Variants in TOX2 observed in about 807,000 individuals in gnomAD.
The protein encoded by TOX2 is granulosa cell HMG box 1.
In TOX2, 15 loss-of-function variants were observed where a neutral mutation model predicts 47.4. The observed-to-expected ratio is 0.32, with a 90% CI of 0.21 to 0.49. The LOEUF (loss-of-function observed/expected upper bound fraction) is 0.49. TOX2 is among the 20% of genes least tolerant of loss of function. The pLI is 0.99. For synonymous variants in TOX2, 290 were observed against 296.6 expected (o/e 0.98, Z 0.23); for missense variants, 622 against 673.1 (o/e 0.92, Z 0.84).
chr20:43,991,805 G>A (rs374717050), intron 2 of TOX2, among the ~76,000 whole-genome samples: 17 of 152,050 alleles, frequency 1.1e-4, no homozygotes, highest in African/African-American at 3.6e-4. Flanking sequence ...CACTATGCCC[G>A]GATCATTTTT....
chr20:43,996,295 C>T (rs551459557), intron 2 of TOX2, among the ~76,000 whole-genome samples: 4 of 152,282 alleles, frequency 2.6e-5, no homozygotes, highest in South Asian at 2.1e-4. Flanking sequence ...CTTGCTGGTG[C>T]GGGTTTTACT....
intron 1 of TOX2, among the ~76,000 whole-genome samples, chr20:43,962,682 C>T (rs2069783463): frequency 6.6e-6 from 1 of 152,218 alleles, no homozygotes; most frequent in Admixed American, 6.5e-5. Context: ...AACCCCATTT[C>T]TCCCATATCT....
chr20:44,054,762 A>G (rs1569141438), intron 5 of TOX2, among the ~76,000 whole-genome samples: 1 of 151,986 alleles, frequency 6.6e-6, no homozygotes, highest in Non-Finnish European at 1.5e-5. Context: ...CCGCAACTTA[A>G]CCATTCTGAA....
intron 2 of TOX2, among the ~76,000 whole-genome samples, chr20:43,987,683 G>A (rs960578000): frequency 1.3e-5 from 2 of 152,158 alleles, no homozygotes; most frequent in African/African-American, 4.8e-5. Flanking sequence ...CTGAGAGCAT[G>A]GATGGGCGAG....
rs2071514484 is a variant in TOX2 at position 44,051,654 on chromosome 20, A to G, written c.651+109A>G. 4 of 1,459,250 alleles carry G rather than the reference A, an allele frequency of 2.7e-6. No homozygotes were observed. The Admixed American group carries it at 7.5e-5, about 27-fold the overall frequency. 90.4% of individuals were successfully genotyped at this position (1,459,250 alleles called of 1,614,324 possible). A position where few individuals can be genotyped will look rare whatever the true frequency, so the allele number is the denominator to read the frequency against. On this transcript the variant is annotated intron_variant, in intron 4 of 8. Transcript: ENST00000341197. ...CTCTAGTAAAGACTAGAAAAGCCTG[A>G]TGTCCCAAGGTCCCCGTAGGTGCCA...
At chr20:43,978,411 T>C (rs2145494367) in intron 2 of TOX2, among the ~76,000 whole-genome samples, 1 of 152,278 alleles carries the variant, frequency 6.6e-6, no homozygotes, top group South Asian at 2.1e-4. Context: ...CATCCCCATC[T>C]CAGGCTGTAC....
chr20:43,973,490 G>A lies in TOX2; in HGVS notation c.165+58G>A. The A allele has an allele frequency of 1.9e-6, 3 of 1,549,254 alleles. No homozygotes were observed. In the South Asian group the frequency reaches 3.4e-5, roughly 17 times the overall value. On this transcript the variant is annotated intron_variant, in intron 2 of 8. Transcript: ENST00000341197. ...TAAGATTTGGGCTGGCTGGATCTGA[G>A]CTGTTCCTGGGTGGAGGTAGGGGGT...
intron 1 of TOX2, among the ~76,000 whole-genome samples, chr20:43,924,893 T>G (rs2069148219): frequency 1.3e-5 from 2 of 152,200 alleles, no homozygotes; most frequent in South Asian, 4.1e-4. Context: ...CAGCCCTGTG[T>G]CCCGGGGTGT....
chr20:43,979,909 C>T (rs1387418991), intron 2 of TOX2, among the ~76,000 whole-genome samples: 1 of 152,134 alleles, frequency 6.6e-6, no homozygotes. Flanking sequence ...GAAAAGGGAA[C>T]CCTCGTACAC....
intron 1 of TOX2, among the ~76,000 whole-genome samples, chr20:43,954,813 C>A (rs2069639193): frequency 6.6e-6 from 1 of 152,210 alleles, no homozygotes; most frequent in Non-Finnish European, 1.5e-5. Context: ...AGACGTCAGA[C>A]CTGGGTTTGG....
At chr20:44,063,569 A>G (rs1469001886) in intron 5 of TOX2, among the ~76,000 whole-genome samples, 1 of 152,220 alleles carries the variant, frequency 6.6e-6, no homozygotes, top group Non-Finnish European at 1.5e-5. Flanking sequence ...AACTAAAAGT[A>G]GATCTACTGT....
rs529758685 is a variant in TOX2 at position 43,982,390 on chromosome 20, C to CT, written c.165+8966dup. Among the ~76,000 whole-genome samples, 926 of 152,090 alleles carry CT rather than the reference C, an allele frequency of 6.1e-3. 7 individuals carry two copies. The highest frequency in any genetic ancestry group is 8.3e-3 in the Non-Finnish European group (562 of 67,972). ...CAGTTGCACCAGAAGGACACAACAG[C>CT]TTTTTTTTACTCAAAAGAGACTAAT... On this transcript the variant is annotated intron_variant, in intron 2 of 8. Coordinates refer to ENST00000341197, the MANE Select transcript of TOX2 (RefSeq NM_001098797.2).
intron 3 of TOX2, among the ~76,000 whole-genome samples, chr20:44,014,638 A>G (rs2070843762): frequency 6.6e-6 from 1 of 152,100 alleles, no homozygotes; most frequent in Non-Finnish European, 1.5e-5. Flanking sequence ...CTGTAAATGG[A>G]GATATTGTTA....
intron 3 of TOX2, among the ~76,000 whole-genome samples, chr20:44,023,083 G>GA (rs1291120816): frequency 2.6e-5 from 4 of 151,874 alleles, no homozygotes; most frequent in Middle Eastern, 6.8e-3. Context: ...AAAAGGATGG[G>GA]AAGGAGGGAG....
chr20:43,995,421 TG>T (rs1313108889), intron 2 of TOX2, among the ~76,000 whole-genome samples: 1 of 152,224 alleles, frequency 6.6e-6, no homozygotes, highest in Non-Finnish European at 1.5e-5. Context: ...CTCCAGTTGT[TG>T]GGGTTTGGAG....
chr20:43,952,158 C>G (rs959765582), intron 1 of TOX2, among the ~76,000 whole-genome samples: 1 of 152,066 alleles, frequency 6.6e-6, no homozygotes, highest in Admixed American at 6.6e-5. Flanking sequence ...GCCTTGGCCT[C>G]CCAAAGTGCT....
In TOX2 at chr20:44,006,583, G is replaced by A; in HGVS notation, c.202G>A (p.Glu68Lys). 1 of 1,613,910 alleles carries A rather than the reference G, an allele frequency of 6.2e-7. No individual in the cohort carries two copies. Among genetic ancestry groups the A allele is most frequent in the Non-Finnish European group, 8.5e-7 (1 of 1,180,006 alleles). ...CCAGAGCGAGAACAACGAAGACTAT[G>A]AGATCCCCCCGATAACACCTCCCAA... ...NGQSENNEDY[E>K]IPPITPPNLP... Residue 68 changes from glutamate (E) to lysine (K), a missense_variant, in exon 3 of 9, where the codon GAG becomes AAG. Physicochemically the swap from Glu to Lys is moderately conservative, Grantham distance 56 (BLOSUM62 1). Coordinates refer to ENST00000341197, the MANE Select transcript of TOX2 (RefSeq NM_001098797.2).
At chr20:44,001,175 A>G (rs866487784) in intron 2 of TOX2, among the ~76,000 whole-genome samples, 72 of 152,344 alleles carry the variant, frequency 4.7e-4, no homozygotes, top group African/African-American at 1.4e-3. Flanking sequence ...ATTAGGCACC[A>G]TGGAACGGCC....
intron 2 of TOX2, among the ~76,000 whole-genome samples, chr20:44,004,624 C>T (rs549210167): frequency 1.3e-5 from 2 of 152,116 alleles, no homozygotes; most frequent in African/African-American, 2.4e-5. Flanking sequence ...TAGGGCTCTC[C>T]CCCATGGAAT....
Sources: gnomAD v4.1 joint callset for allele counts (sites outside exome capture counted in the v4.1 genomes callset) on GRCh38, gnomAD v4.1.1 for gene constraint, MANE v1.5 for transcripts, NCBI Gene and HGNC (gene_info 2026-07-23, HGNC 2026-07-21) for gene names.